The following DBH variants were observed in gnomAD, a reference collection of about 807,000 sequenced individuals.
The protein encoded by DBH is dopamine beta-hydroxylase, also known as dopamine beta-hydroxylase (dopamine beta-monooxygenase).
Under a neutral mutation model 64.0 loss-of-function variants are expected in DBH, and 49 were observed. That is an observed-to-expected ratio of 0.77 (90% CI 0.61 to 0.97). The LOEUF is 0.97. Ranked by LOEUF, DBH falls within the 50% of genes least tolerant of loss-of-function variation. DBH has a pLI of 0.00. For missense variants in DBH, 828 were observed against 826.6 expected (o/e 1.00, Z -0.02); for synonymous variants, 343 against 347.1 (o/e 0.99, Z 0.13).
At chr9:133,645,627 G>A (rs1056671148) in intron 5 of DBH, among the ~76,000 whole-genome samples, 4 of 152,136 alleles carry the variant, frequency 2.6e-5, no homozygotes. Context: ...GGAGATACAG[G>A]AGCCGTTTGA....
At chr9:133,657,363 T>A in intron 11 of DBH, 134 bp downstream of exon 11, 1 of 1,060,448 alleles carries the variant, frequency 9.4e-7, no homozygotes, top group Non-Finnish European at 1.4e-6. Flanking sequence ...AAGTGCCAGG[T>A]GGTGACACAT....
chr9:133,653,091 T>C, intron 9 of DBH, 92 bp downstream of exon 9: 1 of 985,622 alleles, frequency 1.0e-6, no homozygotes, highest in South Asian at 1.3e-5. Flanking sequence ...ACTCCTCACT[T>C]AGGGCATGGG....
Position 133,651,883 on chromosome 9 carries a change from C to T in DBH, c.1335+106C>T. ...CATAGGGATGGCTCCAGGCTGGCTTCTTTTTCCTGGGCCAGCCCCACCCGC... is the reference window on the plus strand; with the variant it reads ...CATAGGGATGGCTCCAGGCTGGCTTTTTTTTCCTGGGCCAGCCCCACCCGC... On this transcript the variant is annotated intron_variant, in intron 7 of 11. Coordinates refer to ENST00000393056, the MANE Select transcript of DBH (RefSeq NM_000787.4). 3.2e-6 allele frequency: 4 copies of T among 1,243,548 alleles called. 1 individual carries two copies. In the South Asian group the frequency reaches 5.2e-5, roughly 16 times the overall value. The allele number at this position is 1,243,548 out of a possible 1,614,324, so 77.0% of individuals were successfully genotyped here.
At chr9:133,644,421 G>A (rs1329024650) in intron 5 of DBH, 101 bp downstream of exon 5, 3 of 918,818 alleles carry the variant, frequency 3.3e-6, no homozygotes, top group East Asian at 2.5e-5. Context: ...TGGTGCCCCC[G>A]CTGTACAGCT....
In DBH at chr9:133,651,839, G is replaced by A. The variant is rs112764344; in HGVS notation, c.1335+62G>A. The A allele has an allele frequency of 2.5e-3, 3,661 of 1,476,400 alleles. 84 individuals are homozygous for A. In the African/African-American group the frequency reaches 0.042, roughly 17 times the overall value. 91.5% of individuals were successfully genotyped at this position (1,476,400 alleles called of 1,614,324 possible). A position where few individuals can be genotyped will look rare whatever the true frequency, so the allele number is the denominator to read the frequency against. On this transcript the variant is annotated intron_variant, in intron 7 of 11. Transcript: ENST00000393056. ...ACCCTGCCACCACACGACCTCCTGGGTCTACTGTTTCCTGACACCATAGGG... is the reference window on the plus strand; with the variant it reads ...ACCCTGCCACCACACGACCTCCTGGATCTACTGTTTCCTGACACCATAGGG...
Position 133,643,492 on chromosome 9 carries a change from G to C in DBH, c.824G>C (p.Ser275Thr). 1 of 1,613,770 alleles carries C rather than the reference G, an allele frequency of 6.2e-7. No homozygotes were observed. Among genetic ancestry groups the C allele is most frequent in the Non-Finnish European group, 8.5e-7 (1 of 1,179,918 alleles). ...TTCCAGTGCGCCCCCGAGATGGACAGCGTCCCCCACTTCAGCGGGCCCTGC... is the reference window on the plus strand; with the variant it reads ...TTCCAGTGCGCCCCCGAGATGGACACCGTCCCCCACTTCAGCGGGCCCTGC... ...EVFQCAPEMD[S>T]VPHFSGPCDS... The change falls in exon 4 of 12, where the codon AGC becomes ACC. Residue 275 changes from serine to threonine, a missense_variant. By Grantham distance (58) the Ser-to-Thr change is moderately conservative. Transcript: ENST00000393056. The surrounding 1 kb of genome is among the most constrained non-coding windows in gnomAD (Gnocchi z 5.3).
chr9:133,653,780 G>A (rs1006378357), intron 9 of DBH, among the ~76,000 whole-genome samples: 1 of 152,230 alleles, frequency 6.6e-6, no homozygotes, highest in Non-Finnish European at 1.5e-5. Context: ...GGGCAGCCAC[G>A]TGATGCATCA....
intron 3 of DBH, 70 bp downstream of exon 3, chr9:133,642,534 C>T: frequency 6.5e-7 from 1 of 1,530,676 alleles, no homozygotes; most frequent in Non-Finnish European, 8.8e-7. Flanking sequence ...TTGTCCCTGA[C>T]CCTGGAGAGC....
rs145446733 is a variant in DBH, at chr9:133,656,491, C to T, written c.1435-32C>T. ...GGATGGCAGCGTCTGCGTGGCATGG[C>T]CCGGGGCTGACGGGTCTCCTCCAAC... On this transcript the variant is annotated intron_variant, in intron 9 of 11. Transcript: ENST00000393056. 85 of 1,613,328 alleles carry T rather than the reference C, an allele frequency of 5.3e-5. 1 individual carries two copies. The East Asian group carries it at 1.4e-3, about 27-fold the overall frequency.
rs188947257 is a variant in DBH at position 133,648,997 on chromosome 9, T to G, written c.1191+985T>G. The stretch of plus-strand genomic sequence containing the variant: ...AAAATGCCCCTCAGAAAGCCCATCT[T>G]CTGCTCCCTCCCACACATAGGACGA... On this transcript the variant is annotated intron_variant, in intron 6 of 11. Coordinates refer to ENST00000393056, the MANE Select transcript of DBH (RefSeq NM_000787.4). Among the ~76,000 whole-genome samples the G allele has an allele frequency of 5.4e-3, 828 of 152,366 alleles. 9 individuals are homozygous for G. The highest frequency in any genetic ancestry group is 0.018 in the African/African-American group (744 of 41,586).
chr9:133,640,118 C>A, intron 2 of DBH, 126 bp downstream of exon 2: 1 of 1,332,732 alleles, frequency 7.5e-7, no homozygotes, highest in African/African-American at 1.4e-5. Flanking sequence ...CCAGCTATGA[C>A]AGAGAGAAAG....
At chr9:133,653,914 G>A (rs993218621) in intron 9 of DBH, among the ~76,000 whole-genome samples, 2 of 152,124 alleles carry the variant, frequency 1.3e-5, no homozygotes, top group African/African-American at 4.8e-5. Flanking sequence ...CAGCTGCTTC[G>A]GTAACCATGG....
rs2131286242 is a variant in DBH, at chr9:133,644,211, C to T, written c.922-7C>T. ...CACCCGTCTGTCTGACACCTTGCCC[C>T]ACACAGGCATTTTACTACCCAGAGG... On this transcript the variant is annotated splice_region_variant and splice_polypyrimidine_tract_variant and intron_variant, in intron 4 of 11. Transcript: ENST00000393056. The T allele has an allele frequency of 6.2e-7, 1 of 1,610,932 alleles. No homozygotes were observed.
chr9:133,653,090 TTAGGGCATGGGCTCGTCCCCTC>T (rs1476169517), intron 9 of DBH, 91 bp downstream of exon 9: 1 of 995,024 alleles, frequency 1.0e-6, no homozygotes, highest in East Asian at 2.4e-5. Flanking sequence ...GACTCCTCAC[TTAGGGCATGGGCTCGTCCCCTC>T]AATAAGCCAG....
At position 133,642,351 on chromosome 9, in the gene DBH, G is replaced by C; in HGVS notation, c.631G>C (p.Ala211Pro). Reference sequence around the variant, plus strand: ...CCCCGAACCGGAGTTGCCCTCAGACGCGTGCACCATGGAGGTCCAAGCTCC... The same window carrying C: ...CCCCGAACCGGAGTTGCCCTCAGACCCGTGCACCATGGAGGTCCAAGCTCC... ...NIPEPELPSD[A>P]CTMEVQAPNI... is the part of the protein sequence containing the mutation. Residue 211 changes from alanine (A) to proline (P), a missense_variant, in exon 3 of 12, where the codon GCG becomes CCG. Ala to Pro is a conservative substitution (Grantham distance 27, BLOSUM62 -1). Coordinates refer to ENST00000393056, the MANE Select transcript of DBH (RefSeq NM_000787.4). 6.2e-7 allele frequency: 1 copy of C among 1,614,000 alleles called. No homozygotes were observed. The highest frequency in any genetic ancestry group is 8.5e-7 in the Non-Finnish European group (1 of 1,179,984).
In DBH at chr9:133,639,941, G is replaced by A; in HGVS notation, c.435G>A (p.Leu145=). The A allele has an allele frequency of 6.2e-7, 1 of 1,613,936 alleles. No individual in the cohort carries two copies. The highest frequency in any genetic ancestry group is 8.5e-7 in the Non-Finnish European group (1 of 1,179,994). The part of the protein sequence containing the change: ...QVQRTPEGLT[L]LFKRPFGTCD... ...AGAGGACCCCAGAAGGCCTGACCCT[G>A]CTTTTCAAGAGGCCCTTTGGCACCT... is the stretch of plus-strand genomic sequence containing the variant. Residue 145 remains leucine, a synonymous_variant, in exon 2 of 12, where the codon CTG becomes CTA. Coordinates refer to ENST00000393056, the MANE Select transcript of DBH (RefSeq NM_000787.4).
In DBH at chr9:133,644,288, A is replaced by T; in HGVS notation, c.992A>T (p.Glu331Val). ...GPGSSRYLRL[E>V]VHYHNPLVIE... ...GGGTCCTCCAGATATCTCCGCCTGG[A>T]AGTTCACTACCACAACCCACTGGTG... The change falls in exon 5 of 12, where the codon GAA (glutamate) becomes GTA (valine). Residue 331 changes from glutamate to valine, a missense_variant. Coordinates refer to ENST00000393056, the MANE Select transcript of DBH (RefSeq NM_000787.4). 1.2e-6 allele frequency: 2 copies of T among 1,614,166 alleles called. No individual in the cohort carries two copies. The highest frequency in any genetic ancestry group is 1.7e-6 in the Non-Finnish European group (2 of 1,180,004).
At chr9:133,657,003 G>A in intron 10 of DBH, 67 bp from the exon 11 acceptor site, 1 of 1,551,754 alleles carries the variant, frequency 6.4e-7, no homozygotes, top group Non-Finnish European at 8.9e-7. Context: ...GGGAGGTGTT[G>A]CTGGTGCCCA....
chr9:133,656,442 C>A, intron 9 of DBH, 81 bp from the exon 10 acceptor site: 1 of 1,593,388 alleles, frequency 6.3e-7, no homozygotes, highest in East Asian at 2.2e-5. Context: ...ACGCAGTGTA[C>A]ACGTGGGTGC....
Sources: gnomAD v4.1 joint callset for allele counts (sites outside exome capture counted in the v4.1 genomes callset) on GRCh38, gnomAD v4.1.1 for gene constraint, Gnocchi (gnomAD v3.1) non-coding constraint, MANE v1.5 for transcripts, NCBI Gene and HGNC (gene_info 2026-07-23, HGNC 2026-07-21) for gene names.